Variants in IQGAP1 observed in about 807,000 individuals in gnomAD.
IQGAP1 encodes the protein ras GTPase-activating-like protein IQGAP1.
Under a neutral mutation model 215.6 loss-of-function variants are expected in IQGAP1, and 66 were observed. The observed-to-expected ratio is 0.31, with a 90% CI of 0.25 to 0.38. The LOEUF is 0.38. IQGAP1 is among the 10% of genes least tolerant of loss of function. IQGAP1 has a pLI of 1.00. For missense variants in IQGAP1, 1,712 were observed against 1,997.1 expected (o/e 0.86, Z 2.72); for synonymous variants, 772 against 728.7 (o/e 1.06, Z -0.96).
At position 90,484,221 on chromosome 15, in the gene IQGAP1, C is replaced by T. The variant is rs763205486; in HGVS notation, c.3790C>T (p.Arg1264Trp). 78 of 1,612,882 alleles carry T rather than the reference C, an allele frequency of 4.8e-5. No homozygotes were observed. Among genetic ancestry groups the T allele is most frequent in the Admixed American group, 8.4e-5 (5 of 59,782 alleles). ...YLSQSYQKFR[R>W]FFQTACDVPE... is the part of the protein sequence containing the mutation. ...GGCTGCCTCCTGTGCTTATTTCAGA[C>T]GGTTTTTCCAAACTGCTTGTGATGT... is the stretch of plus-strand genomic sequence containing the variant. Residue 1264 changes from arginine (R) to tryptophan (W), a missense_variant and splice_region_variant, in exon 30 of 38, where the codon CGG becomes TGG. Arg to Trp is a moderately radical substitution (Grantham distance 101). Around this residue, in one of 2 missense-constraint regions of IQGAP1, gnomAD observed 691 missense variants for 923.0 expected, o/e 0.75. Coordinates refer to ENST00000268182, the MANE Select transcript of IQGAP1 (RefSeq NM_003870.4).
At chr15:90,417,811 C>G (rs978801506) in intron 2 of IQGAP1, among the ~76,000 whole-genome samples, 2 of 152,132 alleles carry the variant, frequency 1.3e-5, no homozygotes, top group African/African-American at 4.8e-5. Flanking sequence ...CTCAGTATGG[C>G]CATTTTCACG....
chr15:90,425,097 G>A (rs531298315), intron 2 of IQGAP1, among the ~76,000 whole-genome samples: 2 of 152,216 alleles, frequency 1.3e-5, no homozygotes, highest in Non-Finnish European at 2.9e-5. Context: ...ATCACTTGAG[G>A]TCAGGAGTTT....
At position 90,448,662 on chromosome 15, in the gene IQGAP1, C is replaced by A. The variant is rs763600917; in HGVS notation, c.1003C>A (p.Leu335Ile). 1 of 1,612,184 alleles carries A rather than the reference C, an allele frequency of 6.2e-7. No homozygotes were observed. The highest frequency in any genetic ancestry group is 2.2e-5 in the East Asian group (1 of 44,790). The part of the protein sequence containing the change: ...FRALQSPALG[L>I]RGLQQQNSDW... ...GGCTCTGCAGTCACCAGCCCTGGGG[C>A]TTCGAGGACTGCAGCAACAGAATAG... is the stretch of plus-strand genomic sequence containing the variant. Residue 335 changes from leucine to isoleucine, a missense_variant, in exon 10 of 38, where the codon CTT (leucine) becomes ATT (isoleucine). Leu to Ile is a conservative substitution (Grantham distance 5, BLOSUM62 2). Around this residue, in one of 2 missense-constraint regions of IQGAP1, gnomAD observed 1,021 missense variants for 1,074.2 expected, o/e 0.95. Transcript: ENST00000268182.
chr15:90,429,154 G>T (rs1965268202), intron 3 of IQGAP1, among the ~76,000 whole-genome samples: 1 of 152,050 alleles, frequency 6.6e-6, no homozygotes, highest in Non-Finnish European at 1.5e-5. Context: ...TCCCAGCGTG[G>T]TATTTTTATA....
chr15:90,474,581 A>G lies in IQGAP1; in HGVS notation c.2672A>G (p.Lys891Arg). ...QDFQEELDLM[K>R]MREEVITLIR... ...TTTCAGGAGGAGCTTGACCTTATGA[A>G]GATGCGGGAAGAGGTTATCACCCTC... Residue 891 changes from lysine (K) to arginine (R), a missense_variant, in exon 23 of 38, where the codon AAG becomes AGG. Transcript: ENST00000268182. 1 of 1,614,068 alleles carries G rather than the reference A, an allele frequency of 6.2e-7. No homozygotes were observed. Among genetic ancestry groups the G allele is most frequent in the Non-Finnish European group, 8.5e-7 (1 of 1,179,906 alleles).
chr15:90,498,653 T>A (rs1010865837), intron 37 of IQGAP1, among the ~76,000 whole-genome samples: 4 of 151,032 alleles, frequency 2.6e-5, no homozygotes, highest in Non-Finnish European at 4.4e-5. Flanking sequence ...GGTCCTTTCT[T>A]TTTTTGGAGG....
At position 90,486,951 on chromosome 15, in the gene IQGAP1, C is replaced by G. The variant is rs1405539629; in HGVS notation, c.4025-3C>G. On this transcript the variant is annotated splice_polypyrimidine_tract_variant and splice_region_variant and intron_variant, in intron 31 of 37. Transcript: ENST00000268182. The stretch of plus-strand genomic sequence containing the variant: ...GACTCTTTCCACCCTCCCAAAACTT[C>G]AGGGGAAAGCTCTGGCAATTTAAAT... 1.2e-6 allele frequency: 2 copies of G among 1,613,734 alleles called. No homozygotes were observed. The highest frequency in any genetic ancestry group is 1.7e-6 in the Non-Finnish European group (2 of 1,179,802).
At chr15:90,450,497 G>A (rs1351392325) in intron 11 of IQGAP1, among the ~76,000 whole-genome samples, 1 of 151,838 alleles carries the variant, frequency 6.6e-6, no homozygotes, top group African/African-American at 2.4e-5. Context: ...TGAATCATAT[G>A]TAGTTTTATT....
At chr15:90,435,828 C>G (rs1965363156) in intron 5 of IQGAP1, among the ~76,000 whole-genome samples, 1 of 152,134 alleles carries the variant, frequency 6.6e-6, no homozygotes. Context: ...ATATATAGAG[C>G]AGTGTGTTTC....
In IQGAP1 at chr15:90,497,792, G is replaced by T. The variant is rs764622011; in HGVS notation, c.4860+452G>T. On this transcript the variant is annotated intron_variant, in intron 37 of 37. Transcript: ENST00000268182. The stretch of plus-strand genomic sequence containing the variant: ...TATCTTAAATCCAAAAAGAACTCGG[G>T]AGTAATTCATTTTTGTAGCATAAAG... Among the ~76,000 whole-genome samples, 49 of 152,258 alleles carry T rather than the reference G, an allele frequency of 3.2e-4. 2 individuals carry two copies. Among genetic ancestry groups the T allele is most frequent in the South Asian group, 3.1e-3 (15 of 4,818 alleles).
intron 18 of IQGAP1, among the ~76,000 whole-genome samples, chr15:90,470,657 G>A (rs953614659): frequency 1.3e-5 from 2 of 151,894 alleles, no homozygotes; most frequent in African/African-American, 2.4e-5. Context: ...TAGTCTACTC[G>A]TCACTAATTC....
At chr15:90,499,892 A>G in intron 37 of IQGAP1, 103 bp from the exon 38 acceptor site, 2 of 726,770 alleles carry the variant, frequency 2.8e-6, no homozygotes, top group Non-Finnish European at 4.7e-6. Context: ...GGCAGGCCTC[A>G]GTCCATCTGG....
At chr15:90,487,229 G>A (rs567637343) in intron 32 of IQGAP1, 140 bp downstream of exon 32, 10 of 802,442 alleles carry the variant, frequency 1.2e-5, no homozygotes, top group South Asian at 3.4e-5. Context: ...CAATCACCTC[G>A]CATATTGTAC....
At chr15:90,441,284 T>C (rs982327216) in intron 7 of IQGAP1, among the ~76,000 whole-genome samples, 11 of 152,142 alleles carry the variant, frequency 7.2e-5, no homozygotes, top group Admixed American at 7.2e-4. Flanking sequence ...ATCCCAGACA[T>C]GGATCACAGA....
chr15:90,493,447 A>G lies in IQGAP1; in HGVS notation c.4628+736A>G, dbSNP rs139849952. ...GCCTTCTTGGCACTGGCCACAAACTATCAGCATGCCCATGTTACAGGGAGG... is the reference window on the plus strand; with the variant it reads ...GCCTTCTTGGCACTGGCCACAAACTGTCAGCATGCCCATGTTACAGGGAGG... On this transcript the variant is annotated intron_variant, in intron 35 of 37. Coordinates refer to ENST00000268182, the MANE Select transcript of IQGAP1 (RefSeq NM_003870.4). 9.4e-3 allele frequency among the ~76,000 whole-genome samples: 1,436 copies of G among 152,234 alleles called. 25 individuals carry two copies. The highest frequency in any genetic ancestry group is 0.033 in the African/African-American group (1,371 of 41,520).
At chr15:90,482,626 A>C in intron 28 of IQGAP1, 1 of 557,274 alleles carries the variant, frequency 1.8e-6, no homozygotes. Flanking sequence ...GTTGCTGATA[A>C]CTCTTTCTTA....
intron 15 of IQGAP1, among the ~76,000 whole-genome samples, chr15:90,462,362 C>T (rs1372165023): frequency 6.6e-6 from 1 of 152,182 alleles, no homozygotes; most frequent in Non-Finnish European, 1.5e-5. Flanking sequence ...TCTTTGCCAT[C>T]ACTCCCCAAC....
Position 90,494,702 on chromosome 15 carries a change from G to C in IQGAP1, c.4629-11G>C. 6.3e-7 allele frequency: 1 copy of C among 1,597,016 alleles called. No homozygotes were observed. The highest frequency in any genetic ancestry group is 8.5e-7 in the Non-Finnish European group (1 of 1,173,696). ...TTACTTATAGAAAGTGACATGATGT[G>C]ATTTTTACAGAGTCTCCAAAAAGCC... On this transcript the variant is annotated splice_polypyrimidine_tract_variant and intron_variant, in intron 35 of 37. Coordinates refer to ENST00000268182, the MANE Select transcript of IQGAP1 (RefSeq NM_003870.4).
intron 7 of IQGAP1, among the ~76,000 whole-genome samples, 168 bp downstream of exon 7, chr15:90,440,783 T>C (rs1052189742): frequency 6.6e-6 from 1 of 152,240 alleles, no homozygotes; most frequent in African/African-American, 2.4e-5. Context: ...TGGAAATACA[T>C]GATTAATTCT....
Sources: allele counts gnomAD v4.1 joint callset (sites outside exome capture counted in the v4.1 genomes callset), GRCh38; gene constraint gnomAD v4.1.1; regional missense constraint gnomAD v4.1.1; transcripts MANE v1.5; gene names NCBI Gene and HGNC (gene_info 2026-07-23, HGNC 2026-07-21).